The following MIS18A variants were observed in gnomAD, a reference collection of about 807,000 sequenced individuals.
MIS18A encodes the protein MIS18 kinetochore protein A, also known as protein Mis18-alpha.
Under a neutral mutation model 25.0 loss-of-function variants are expected in MIS18A, and 14 were observed. The observed-to-expected ratio is 0.56, with a 90% CI of 0.37 to 0.88. The LOEUF is 0.88. Ranked by LOEUF, MIS18A falls within the 40% of genes least tolerant of loss-of-function variation. The pLI is 0.00. For synonymous variants in MIS18A, 134 were observed against 118.6 expected, an observed-to-expected ratio of 1.13 and a Z score of -0.84; for missense variants, 292 against 290.8, an observed-to-expected ratio of 1.00 and a Z score of -0.03.
At chr21:32,206,115 T>C in the MIS18A span, among the ~76,000 whole-genome samples, 2 of 152,290 alleles carry the variant, frequency 1.3e-5, no homozygotes, top group Admixed American at 6.5e-5. Context: ...CCCTCTCATG[T>C]GGTCCCATCT....
At chr21:32,186,894 C>T in the MIS18A span, among the ~76,000 whole-genome samples, 2 of 152,128 alleles carry the variant, frequency 1.3e-5, no homozygotes, top group African/African-American at 4.8e-5. Context: ...AACAAAGGTT[C>T]GGGGAAAAGC....
chr21:32,156,243 C>T, the MIS18A span, among the ~76,000 whole-genome samples: 4 of 152,260 alleles, frequency 2.6e-5, no homozygotes, highest in African/African-American at 9.6e-5. Context: ...AGCCTCTCTG[C>T]TTATTAGGTA....
At chr21:32,177,701 G>A in the MIS18A span, among the ~76,000 whole-genome samples, 5 of 151,934 alleles carry the variant, frequency 3.3e-5, no homozygotes, top group Admixed American at 3.3e-4. Context: ...AATCAGAATC[G>A]TGGGAATAAA....
chr21:32,222,020 C>T, the MIS18A span, among the ~76,000 whole-genome samples: 3 of 151,844 alleles, frequency 2.0e-5, no homozygotes, highest in African/African-American at 7.3e-5. Context: ...AGTCAAGACC[C>T]ATTGGTGTGC....
At chr21:32,164,468 A>G in the MIS18A span, among the ~76,000 whole-genome samples, 3 of 152,166 alleles carry the variant, frequency 2.0e-5, no homozygotes, top group South Asian at 2.1e-4. Context: ...AAGACCTTAC[A>G]TATTTAATAT....
the MIS18A span, among the ~76,000 whole-genome samples, chr21:32,232,752 G>A: frequency 6.6e-6 from 1 of 152,136 alleles, no homozygotes; most frequent in African/African-American, 2.4e-5. Context: ...AAGGTGGAAG[G>A]AGAGGGAAGA....
the MIS18A span, among the ~76,000 whole-genome samples, chr21:32,242,318 C>T: frequency 6.0e-4 from 92 of 152,284 alleles, no homozygotes; most frequent in African/African-American, 2.0e-3. Flanking sequence ...ATGGCCATTT[C>T]GGAAGGTGAA....
the MIS18A span, among the ~76,000 whole-genome samples, chr21:32,253,862 C>A: frequency 5.3e-5 from 8 of 151,926 alleles, no homozygotes; most frequent in South Asian, 2.1e-4. Flanking sequence ...TGGAGAAAGT[C>A]AAAAAATTGG....
chr21:32,207,824 A>T, the MIS18A span, among the ~76,000 whole-genome samples: 76 of 152,316 alleles, frequency 5.0e-4, no homozygotes, highest in Non-Finnish European at 9.0e-4. Flanking sequence ...CAGACCAGAG[A>T]GTCCAGTGGA....
At chr21:32,188,374 G>T in the MIS18A span, among the ~76,000 whole-genome samples, 1 of 152,182 alleles carries the variant, frequency 6.6e-6, no homozygotes, top group Non-Finnish European at 1.5e-5. Context: ...GTGACACAAA[G>T]AAGGCCAGAT....
the MIS18A span, among the ~76,000 whole-genome samples, chr21:32,253,074 C>T: frequency 4.1e-4 from 63 of 152,212 alleles, no homozygotes; most frequent in African/African-American, 1.4e-3. Context: ...GAGCTGTGCT[C>T]GGGACTTCTC....
chr21:32,172,882 T>A, the MIS18A span, among the ~76,000 whole-genome samples: 39 of 152,236 alleles, frequency 2.6e-4, no homozygotes, highest in South Asian at 8.1e-3. Flanking sequence ...ACAAATGGTG[T>A]TGGGACAACT....
chr21:32,207,711 T>A, the MIS18A span, among the ~76,000 whole-genome samples: 5 of 152,216 alleles, frequency 3.3e-5, no homozygotes, highest in African/African-American at 1.2e-4. Context: ...TTATCCACCA[T>A]AAATATAAAG....
At position 32,274,859 on chromosome 21, in the gene MIS18A, C is replaced by T. The variant is rs1228022257; in HGVS notation, c.372G>A (p.Lys124=). Residue 124 remains lysine, a synonymous_variant, in exon 2 of 5, where the codon AAG becomes AAA. Transcript: ENST00000290130. ...CATTTTCCTTTTCACGTTTGGATAGCTTCTGTTCCTTATCCACAGAAACAT... is the reference window on the plus strand; with the variant it reads ...CATTTTCCTTTTCACGTTTGGATAGTTTCTGTTCCTTATCCACAGAAACAT... ...SCNVSVDKEQ[K]LSKREKENGC... The T allele has an allele frequency of 6.2e-7, 1 of 1,612,948 alleles. No individual in the cohort carries two copies.
At chr21:32,200,125 T>C in the MIS18A span, among the ~76,000 whole-genome samples, 1 of 152,224 alleles carries the variant, frequency 6.6e-6, no homozygotes, top group African/African-American at 2.4e-5. Flanking sequence ...TTGCAGGTCA[T>C]ACAGCTTCTG....
At chr21:32,267,350 A>G (rs1011588310), downstream of MIS18A, among the ~76,000 whole-genome samples, 2 of 152,246 alleles carry the variant, frequency 1.3e-5, no homozygotes, top group Non-Finnish European at 2.9e-5. Context: ...CTTCATGTGA[A>G]GAACCCTAAC....
intron 2 of MIS18A, among the ~76,000 whole-genome samples, chr21:32,273,408 C>G (rs1216766425): frequency 2.0e-5 from 3 of 151,994 alleles, no homozygotes; most frequent in African/African-American, 4.8e-5. Context: ...CCTTCTGGCC[C>G]CCAATCCTGA....
chr21:32,157,272 C>T, the MIS18A span, among the ~76,000 whole-genome samples: 1 of 110 alleles, frequency 9.1e-3, no homozygotes, highest in African/African-American at 0.031. Flanking sequence ...GTTTCATCAT[C>T]TTGGCCCAGG....
the MIS18A span, among the ~76,000 whole-genome samples, chr21:32,195,812 G>A: frequency 0.051 from 7,825 of 152,144 alleles, 274 homozygotes; most frequent in Non-Finnish European, 0.081. Context: ...TTGAGGTCAG[G>A]AGTTCGAGAC....
Sources: gnomAD v4.1 joint callset for allele counts (sites outside exome capture counted in the v4.1 genomes callset) on GRCh38, gnomAD v4.1.1 for gene constraint, MANE v1.5 for transcripts, NCBI Gene and HGNC (gene_info 2026-07-23, HGNC 2026-07-21) for gene names.